ULK1: variants seen among roughly 807,000 people sequenced by gnomAD.
ULK1 encodes the protein unc-51 like autophagy activating kinase 1.
Under a neutral mutation model 117.5 loss-of-function variants are expected in ULK1, and 48 were observed. That is an observed-to-expected ratio of 0.41 (90% CI 0.32 to 0.52). The LOEUF (loss-of-function observed/expected upper bound fraction) is 0.52. Among genes scored for constraint, ULK1 ranks in the 20% least tolerant of loss-of-function variants. The pLI is 0.29. For synonymous variants in ULK1, 790 were observed against 637.8 expected, an observed-to-expected ratio of 1.24 and a Z score of -3.60; for missense variants, 1,387 against 1,473.4, an observed-to-expected ratio of 0.94 and a Z score of 0.96.
chr12:131,917,113 T>G (rs1555265425), intron 21 of ULK1, 51 bp downstream of exon 21: 31 of 819,272 alleles, frequency 3.8e-5, no homozygotes, highest in South Asian at 1.4e-4. Context: ...TCGGAGGCTG[T>G]GGGATGGGGG....
intron 13 of ULK1, 69 bp downstream of exon 13, chr12:131,912,158 G>T: frequency 1.3e-6 from 2 of 1,533,564 alleles, no homozygotes; most frequent in Non-Finnish European, 8.8e-7. Context: ...GCATGTGTTG[G>T]ATGCACAGTG....
At chr12:131,895,141 C>G in intron 1 of ULK1, 29 bp downstream of exon 1, 1 of 1,464,684 alleles carries the variant, frequency 6.8e-7, no homozygotes, top group Non-Finnish European at 9.1e-7. Flanking sequence ...CCGGGATCCC[C>G]CGCCCAGGAT....
intron 23 of ULK1, 79 bp downstream of exon 23, chr12:131,918,760 ATAG>A (rs1889983779): frequency 2.0e-5 from 11 of 536,982 alleles, no homozygotes; most frequent in African/African-American, 3.6e-5. Context: ...TGTGTGGGGT[ATAG>A]GGTGTGTGGG....
chr12:131,908,369 T>C (rs1466828743), intron 5 of ULK1, among the ~76,000 whole-genome samples: 2 of 152,000 alleles, frequency 1.3e-5, no homozygotes, highest in Non-Finnish European at 2.9e-5. Flanking sequence ...GCGGTGGCAC[T>C]GAGGCTGGGC....
chr12:131,917,058 G>A lies in ULK1; in HGVS notation c.2178G>A (p.Glu726=). The change falls in exon 21 of 28, where the codon GAG becomes GAA. Residue 726 remains glutamate, a synonymous_variant. Transcript: ENST00000321867. ...STESLQEKPM[E]IAPSAGFGGS... Reference sequence around the variant, plus strand: ...AGAGCCTGCAGGAGAAGCCCATGGAGATCGGTGTGTGGGTGGGTGGGGCTC... The same window carrying A: ...AGAGCCTGCAGGAGAAGCCCATGGAAATCGGTGTGTGGGTGGGTGGGGCTC... 6.6e-7 allele frequency: 1 copy of A among 1,522,978 alleles called. No homozygotes were observed. Among genetic ancestry groups the A allele is most frequent in the South Asian group, 1.1e-5 (1 of 88,236 alleles). The allele number at this position is 1,522,978 out of a possible 1,614,324, so 94.3% of individuals were successfully genotyped here. A position where few individuals can be genotyped will look rare whatever the true frequency, so the allele number is the denominator to read the frequency against.
intron 17 of ULK1, 52 bp downstream of exon 17, chr12:131,915,283 G>A: frequency 6.2e-7 from 1 of 1,609,812 alleles, no homozygotes; most frequent in African/African-American, 1.3e-5. Context: ...CAGTGGGTGA[G>A]GAGGCTGTCT....
chr12:131,918,173 A>T, intron 22 of ULK1: 1 of 432,434 alleles, frequency 2.3e-6, no homozygotes. Flanking sequence ...CCACGCACCT[A>T]CCCCATTCCA....
At chr12:131,914,284 C>G (rs1437483807) in intron 15 of ULK1, 68 bp from the exon 16 acceptor site, 8 of 1,576,076 alleles carry the variant, frequency 5.1e-6, no homozygotes, top group African/African-American at 1.3e-5. Context: ...TTCTGGTGCC[C>G]CAGCTCCATG....
At chr12:131,910,938 G>A (rs1243271660) in intron 12 of ULK1, 138 bp downstream of exon 12, 3 of 1,455,326 alleles carry the variant, frequency 2.1e-6, no homozygotes, top group African/African-American at 1.4e-5. Context: ...AGTTCATTCT[G>A]TCAGATGTTG....
intron 22 of ULK1, chr12:131,918,275 G>C: frequency 1.6e-6 from 1 of 606,178 alleles, no homozygotes; most frequent in South Asian, 2.0e-5. Context: ...CCCTTGGCCT[G>C]AGGTGGGGAG....
intron 3 of ULK1, among the ~76,000 whole-genome samples, chr12:131,896,339 G>A (rs1199334773): frequency 6.6e-6 from 1 of 152,218 alleles, no homozygotes; most frequent in Non-Finnish European, 1.5e-5. Context: ...CTCGGGCCCG[G>A]CTGGCCCCAA....
chr12:131,895,699 C>G lies in ULK1; in HGVS notation c.204+6C>G. 1 of 1,614,114 alleles carries G rather than the reference C, an allele frequency of 6.2e-7. No individual in the cohort carries two copies. The highest frequency in any genetic ancestry group is 8.5e-7 in the Non-Finnish European group (1 of 1,179,948). On this transcript the variant is annotated splice_donor_region_variant and intron_variant, in intron 2 of 27. Transcript: ENST00000321867. Reference sequence around the variant, plus strand: ...AGGAAATCAAAATCCTGAAGGTGAGCCAGTGCTGGGGGAGGGGGCGTGGGC... The same window carrying G: ...AGGAAATCAAAATCCTGAAGGTGAGGCAGTGCTGGGGGAGGGGGCGTGGGC...
intron 23 of ULK1, 143 bp from the exon 24 acceptor site, chr12:131,919,069 C>G: frequency 2.4e-6 from 2 of 844,794 alleles, no homozygotes; most frequent in South Asian, 1.8e-5. Context: ...GGGTGTCGGG[C>G]GTGGCACATC....
chr12:131,913,296 A>T, intron 14 of ULK1, 38 bp downstream of exon 14: 2 of 1,503,478 alleles, frequency 1.3e-6, no homozygotes, highest in African/African-American at 1.4e-5. Context: ...TTTAGGGGAG[A>T]GAAACTGTGG....
chr12:131,912,017 C>T lies in ULK1; in HGVS notation c.1024C>T (p.Arg342Trp), dbSNP rs774138538. The part of the protein sequence containing the change: ...ADTAGFLHSS[R>W]DSGGSKDSSC... Reference sequence around the variant, plus strand: ...CACCGCTGGCTTCCTGCACAGCTCCCGGGACTCTGGTGGCAGCAAGGACTC... The same window carrying T: ...CACCGCTGGCTTCCTGCACAGCTCCTGGGACTCTGGTGGCAGCAAGGACTC... Residue 342 changes from arginine to tryptophan, a missense_variant, in exon 13 of 28, where the codon CGG becomes TGG. By Grantham distance (101) the Arg-to-Trp change is moderately radical (BLOSUM62 -3). Coordinates refer to ENST00000321867, the MANE Select transcript of ULK1 (RefSeq NM_003565.4). 33 of 1,612,752 alleles carry T rather than the reference C, an allele frequency of 2.0e-5. No individual in the cohort carries two copies. The highest frequency in any genetic ancestry group is 2.6e-5 in the Non-Finnish European group (31 of 1,179,990).
Position 131,922,978 on chromosome 12 carries a change from G to C in ULK1, c.*1617G>C, listed in dbSNP as rs1260228711. ...TGGTCCTCTTGCTTCCGTCGCGGCCGCATGTGCGTGTGTCCAAGCAGGTCC... is the reference window on the plus strand; with the variant it reads ...TGGTCCTCTTGCTTCCGTCGCGGCCCCATGTGCGTGTGTCCAAGCAGGTCC... On this transcript the variant is annotated 3_prime_UTR_variant, in exon 28 of 28. Transcript: ENST00000321867. 2.6e-5 allele frequency: 4 copies of C among 152,318 alleles called. No homozygotes were observed. The highest frequency in any genetic ancestry group is 9.6e-5 in the African/African-American group (4 of 41,458). The allele number at this position is 152,318 out of a possible 1,614,324, so 9.4% of individuals were successfully genotyped here.
chr12:131,895,712 A>AG lies in ULK1; in HGVS notation c.204+24dup. The stretch of plus-strand genomic sequence containing the variant: ...CCTGAAGGTGAGCCAGTGCTGGGGG[A>AG]GGGGGCGTGGGCGTGGGCGTGGGCA... On this transcript the variant is annotated intron_variant, in intron 2 of 27. Coordinates refer to ENST00000321867, the MANE Select transcript of ULK1 (RefSeq NM_003565.4). The AG allele has an allele frequency of 6.2e-7, 1 of 1,613,626 alleles. No individual in the cohort carries two copies.
intron 3 of ULK1, among the ~76,000 whole-genome samples, chr12:131,901,486 C>T (rs891689841): frequency 5.3e-5 from 8 of 152,260 alleles, no homozygotes; most frequent in African/African-American, 1.9e-4. Context: ...CGTCCCGGGC[C>T]GCTCTCCTCC....
rs975878873 is a variant in ULK1, at chr12:131,902,622, G to A, written c.247-4270G>A. Among the ~76,000 whole-genome samples, 1 of 152,162 alleles carries A rather than the reference G, an allele frequency of 6.6e-6. No homozygotes were observed. Among genetic ancestry groups the A allele is most frequent in the Non-Finnish European group, 1.5e-5 (1 of 68,024 alleles). ...TGGGACTTTTCAGGGACAGCCCTGT[G>A]GAATGGTCAGCAGCCGTTCCCTGTT... On this transcript the variant is annotated intron_variant, in intron 3 of 27. Transcript: ENST00000321867. The surrounding 1 kb of genome is among the most constrained non-coding windows in gnomAD (Gnocchi z 6.3).
Sources: allele counts gnomAD v4.1 joint callset (sites outside exome capture counted in the v4.1 genomes callset), GRCh38; gene constraint gnomAD v4.1.1; non-coding constraint Gnocchi (gnomAD v3.1); transcripts MANE v1.5; gene names NCBI Gene and HGNC (gene_info 2026-07-23, HGNC 2026-07-21).